The following PAK1 variants were observed in gnomAD, a reference collection of about 807,000 sequenced individuals.
PAK1 encodes the protein serine/threonine-protein kinase PAK 1.
PAK1 carries 29 observed loss-of-function variants against 67.4 expected under a neutral mutation model. The observed-to-expected ratio is 0.43, with a 90% CI of 0.32 to 0.59. The LOEUF (loss-of-function observed/expected upper bound fraction) is 0.59, where lower values mean the gene tolerates loss of function less well. Among genes scored for constraint, PAK1 ranks in the 20% least tolerant of loss-of-function variants. PAK1 has a pLI of 0.07. For missense variants in PAK1, 337 were observed against 670.7 expected, an observed-to-expected ratio of 0.50 and a Z score of 5.50; for synonymous variants, 223 against 237.4, an observed-to-expected ratio of 0.94 and a Z score of 0.56.
At chr11:77,358,086 C>A (rs1946282803) in intron 6 of PAK1, among the ~76,000 whole-genome samples, 1 of 152,182 alleles carries the variant, frequency 6.6e-6, no homozygotes, top group African/African-American at 2.4e-5. Context: ...CACAGCATCT[C>A]CAATAGTCAT....
chr11:77,379,241 C>G lies in PAK1; in HGVS notation c.439G>C (p.Asp147His). 1 of 1,610,970 alleles carries G rather than the reference C, an allele frequency of 6.2e-7. No homozygotes were observed. The highest frequency in any genetic ancestry group is 8.5e-7 in the Non-Finnish European group (1 of 1,178,352). ...SNSQKYMSFT[D>H]KSAEDYNSSN... ...ACTGCCCTGGACGCAGTTCTCATAC[C>G]TGTAAAGCTCATGTATTTCTGGCTG... The change falls in exon 4 of 15, where the codon GAT (aspartate) becomes CAT (histidine). Residue 147 changes from aspartate to histidine, a missense_variant and splice_region_variant. Asp to His is a moderately conservative substitution (Grantham distance 81). Around this residue, in one of 8 missense-constraint regions of PAK1, gnomAD observed 150 missense variants for 179.0 expected, o/e 0.84. Coordinates refer to ENST00000356341, the MANE Select transcript of PAK1 (RefSeq NM_002576.5).
chr11:77,455,867 GAAGA>G (rs1335881997), intron 1 of PAK1: 1 of 152,124 alleles, frequency 6.6e-6, no homozygotes, highest in African/African-American at 2.4e-5. Flanking sequence ...ACAAAAAGAG[GAAGA>G]AAGACTTACA....
At chr11:77,324,776 C>CACACACACAG (rs1555136259) in intron 14 of PAK1, among the ~76,000 whole-genome samples, 57 of 126,904 alleles carry the variant, frequency 4.5e-4, no homozygotes, top group African/African-American at 2.2e-3. Context: ...CACACACACA[C>CACACACACAG]AGAGAGAGAG....
At chr11:77,367,287 T>C (rs558798878) in intron 5 of PAK1, among the ~76,000 whole-genome samples, 2 of 152,190 alleles carry the variant, frequency 1.3e-5, no homozygotes, top group African/African-American at 4.8e-5. Context: ...CCACCACCAA[T>C]GAGCTTAAAA....
At chr11:77,380,073 T>TAAA in intron 2 of PAK1, 79 bp from the exon 3 acceptor site, 3 of 1,044,362 alleles carry the variant, frequency 2.9e-6, no homozygotes, top group Non-Finnish European at 4.3e-6. Flanking sequence ...TTTATTGAGC[T>TAAA]GTAGTCTCCT....
intron 14 of PAK1, chr11:77,329,106 G>C (rs546763421): frequency 4.0e-4 from 61 of 152,254 alleles, no homozygotes; most frequent in African/African-American, 1.5e-3. Context: ...TCTCTGAATA[G>C]ACCAATAACA....
the PAK1 span, among the ~76,000 whole-genome samples, chr11:77,489,853 C>T: frequency 6.6e-6 from 1 of 152,158 alleles, no homozygotes; most frequent in Admixed American, 6.5e-5. Context: ...GAGATTGCAG[C>T]CTCTGCCCGG....
intron 5 of PAK1, among the ~76,000 whole-genome samples, chr11:77,364,179 C>G (rs1947183367): frequency 6.6e-6 from 1 of 152,230 alleles, no homozygotes; most frequent in South Asian, 2.1e-4. Flanking sequence ...ATGCTAGTCA[C>G]ACATGCCTGG....
intron 1 of PAK1, among the ~76,000 whole-genome samples, chr11:77,424,220 G>A (rs1239598886): frequency 6.6e-6 from 1 of 152,186 alleles, no homozygotes; most frequent in Non-Finnish European, 1.5e-5. Flanking sequence ...CAACCTTGCA[G>A]GGGATGCTAC....
intron 1 of PAK1, among the ~76,000 whole-genome samples, chr11:77,453,506 T>A (rs1956950497): frequency 6.9e-6 from 1 of 144,882 alleles, no homozygotes; most frequent in African/African-American, 2.6e-5. Context: ...TTAGAAAATG[T>A]GAGATATATT....
At chr11:77,336,058 A>G (rs775143325) in intron 13 of PAK1, 28 bp downstream of exon 13, 1 of 1,448,208 alleles carries the variant, frequency 6.9e-7, no homozygotes, top group Non-Finnish European at 9.6e-7. Context: ...CAGCCCAAAT[A>G]ACTTGAAATA....
At chr11:77,494,378 A>G in the PAK1 span, among the ~76,000 whole-genome samples, 1 of 152,218 alleles carries the variant, frequency 6.6e-6, no homozygotes, top group Non-Finnish European at 1.5e-5. Flanking sequence ...AGCTGCAGGT[A>G]ATTTGTATAA....
Position 77,353,520 on chromosome 11 carries a change from A to T in PAK1, c.836+16T>A. ...TTAAAGTCATTTCTCCAGGGAAAGA[A>T]AATGCCCCTACTAACCCTTGTCCAA... On this transcript the variant is annotated intron_variant, in intron 8 of 14. Transcript: ENST00000356341. 1.3e-6 allele frequency: 2 copies of T among 1,587,096 alleles called. No individual in the cohort carries two copies. Among genetic ancestry groups the T allele is most frequent in the Non-Finnish European group, 1.7e-6 (2 of 1,155,770 alleles).
intron 1 of PAK1, among the ~76,000 whole-genome samples, chr11:77,431,887 C>A (rs1011064256): frequency 6.6e-6 from 1 of 152,174 alleles, no homozygotes; most frequent in Non-Finnish European, 1.5e-5. Flanking sequence ...CCTATAACTG[C>A]TGAATGGCCT....
chr11:77,435,212 T>C (rs1956065856), intron 1 of PAK1, among the ~76,000 whole-genome samples: 2 of 151,896 alleles, frequency 1.3e-5, no homozygotes, highest in African/African-American at 4.8e-5. Context: ...TCATGGTATG[T>C]GAATTATCTC....
At position 77,332,916 on chromosome 11, in the gene PAK1, CTT is replaced by C. The variant is rs924645580; in HGVS notation, c.1414-51_1414-50del. The C allele has an allele frequency of 1.9e-6, 3 of 1,582,386 alleles. No homozygotes were observed. The African/African-American group carries it at 4.0e-5, about 21-fold the overall frequency. On this transcript the variant is annotated intron_variant, in intron 13 of 14. Transcript: ENST00000356341. Reference sequence around the variant, plus strand: ...CCTTGAGCTCCAAATGAGGCTCTCTCTTGTTCCCCATATACAAGTTCTAGAAA... The same window carrying C: ...CCTTGAGCTCCAAATGAGGCTCTCTCGTTCCCCATATACAAGTTCTAGAAA...
At chr11:77,445,169 A>C (rs1424914887) in intron 1 of PAK1, among the ~76,000 whole-genome samples, 3 of 152,212 alleles carry the variant, frequency 2.0e-5, no homozygotes, top group Non-Finnish European at 4.4e-5. Context: ...GATTAGGTGA[A>C]AGGACAAAGG....
the PAK1 span, among the ~76,000 whole-genome samples, chr11:77,486,893 G>A: frequency 2.0e-5 from 3 of 152,022 alleles, no homozygotes; most frequent in South Asian, 2.1e-4. Context: ...GCAATTCCTC[G>A]GCAAGTCCGG....
chr11:77,488,617 A>G, the PAK1 span, among the ~76,000 whole-genome samples: 15 of 152,136 alleles, frequency 9.9e-5, no homozygotes, highest in Non-Finnish European at 1.5e-5. Flanking sequence ...TAAAAGTGTC[A>G]AGCAGAAATT....
Sources: allele counts gnomAD v4.1 joint callset (sites outside exome capture counted in the v4.1 genomes callset), GRCh38; gene constraint gnomAD v4.1.1; regional missense constraint gnomAD v4.1.1; transcripts MANE v1.5; gene names NCBI Gene and HGNC (gene_info 2026-07-23, HGNC 2026-07-21).